Variants in VRK2 observed in about 807,000 individuals in gnomAD.
The protein encoded by VRK2 is serine/threonine-protein kinase VRK2.
In VRK2, 60 loss-of-function variants were observed where a neutral mutation model predicts 57.6. The observed-to-expected ratio is 1.04, with a 90% CI of 0.85 to 1.29. The LOEUF is 1.29. VRK2 is among the 50% of genes most tolerant of loss of function. VRK2 has a pLI of 0.00. For synonymous variants in VRK2, 231 were observed against 199.2 expected (o/e 1.16, Z -1.35); for missense variants, 705 against 588.1 (o/e 1.20, Z -2.06).
chr2:58,046,669 T>G, upstream of VRK2: 1 of 985,600 alleles, frequency 1.0e-6, no homozygotes, highest in Non-Finnish European at 1.2e-6. Context: ...AGGAACCGGC[T>G]GCGGCCTGTG....
intron 7 of VRK2, among the ~76,000 whole-genome samples, chr2:58,112,238 A>T (rs1343998648): frequency 6.6e-6 from 1 of 152,190 alleles, no homozygotes; most frequent in Admixed American, 6.5e-5. Context: ...CAGCTTTCTT[A>T]TATGTAAAAT....
chr2:57,918,889 TAAG>T (rs1208947835), intron 1 of VRK2, among the ~76,000 whole-genome samples: 1 of 152,134 alleles, frequency 6.6e-6, no homozygotes, highest in African/African-American at 2.4e-5. Context: ...ATGCTGATCT[TAAG>T]AACATTTCTA....
chr2:58,010,988 T>A (rs967907502), intron 1 of VRK2, among the ~76,000 whole-genome samples: 1 of 152,182 alleles, frequency 6.6e-6, no homozygotes, highest in African/African-American at 2.4e-5. Flanking sequence ...GTGTTCTGTT[T>A]TCAAAGGCAT....
chr2:58,158,218 T>C (rs848292), intron 12 of VRK2, among the ~76,000 whole-genome samples: 110,176 of 152,114 alleles, frequency 0.72, 41,034 homozygotes, highest in African/African-American at 0.92. Context: ...TTTATAGGCC[T>C]ACTGGAATAA....
chr2:58,132,492 G>A (rs1405762427), intron 9 of VRK2, among the ~76,000 whole-genome samples: 2 of 152,010 alleles, frequency 1.3e-5, no homozygotes, highest in African/African-American at 4.8e-5. Flanking sequence ...ACCTGGATTC[G>A]GCTAGCATAA....
intron 2 of VRK2, among the ~76,000 whole-genome samples, chr2:58,076,861 TTTTTAAA>T (rs1195684256): frequency 3.3e-5 from 5 of 151,994 alleles, no homozygotes; most frequent in African/African-American, 1.2e-4. Context: ...TAACTTTTAA[TTTTTAAA>T]TTTTAAAGAG....
chr2:58,085,640 C>T (rs1558615849), intron 4 of VRK2, among the ~76,000 whole-genome samples: 6 of 151,882 alleles, frequency 4.0e-5, no homozygotes, highest in Admixed American at 3.9e-4. Flanking sequence ...ATGGGTCTGA[C>T]CTCAATATTT....
At chr2:58,101,240 A>AT (rs1252874393) in intron 7 of VRK2, among the ~76,000 whole-genome samples, 2 of 151,806 alleles carry the variant, frequency 1.3e-5, no homozygotes, top group East Asian at 1.9e-4. Context: ...GAACAATGTG[A>AT]TTTTTTCAGT....
intron 12 of VRK2, among the ~76,000 whole-genome samples, chr2:58,153,051 T>C (rs1234692311): frequency 6.6e-6 from 1 of 151,978 alleles, no homozygotes; most frequent in Non-Finnish European, 1.5e-5. Flanking sequence ...GCTCATGCTA[T>C]AGTGACACTC....
intron 3 of VRK2, among the ~76,000 whole-genome samples, chr2:58,041,350 C>G (rs907865675): frequency 3.9e-5 from 6 of 152,022 alleles, no homozygotes; most frequent in Non-Finnish European, 5.9e-5. Context: ...ACTGAATGGA[C>G]CCCTCTTTTC....
intron 5 of VRK2, among the ~76,000 whole-genome samples, chr2:58,087,244 T>A (rs191893408): frequency 1.3e-5 from 2 of 152,190 alleles, no homozygotes; most frequent in African/African-American, 4.8e-5. Context: ...TAAGCTCAGA[T>A]GTCAGTACTT....
rs570396228 is a variant in VRK2, at chr2:58,083,438, A to G, written c.137-651A>G. Among the ~76,000 whole-genome samples, 170 of 151,990 alleles carry G rather than the reference A, an allele frequency of 1.1e-3. 1 individual carries two copies. Among genetic ancestry groups the G allele is most frequent in the African/African-American group, 3.9e-3 (163 of 41,546 alleles). On this transcript the variant is annotated intron_variant, in intron 2 of 12. Coordinates refer to ENST00000340157, the MANE Select transcript of VRK2 (RefSeq NM_006296.7). ...GAGTTTTTAAAAGTAGGGTTATACC[A>G]TCTGAACAACAAATGGAAAATAAGA... is the stretch of plus-strand genomic sequence containing the variant.
At chr2:58,078,435 TTGTC>T (rs1470480819) in intron 2 of VRK2, among the ~76,000 whole-genome samples, 1 of 152,106 alleles carries the variant, frequency 6.6e-6, no homozygotes, top group Non-Finnish European at 1.5e-5. Context: ...TTTTGGCTAA[TTGTC>T]TGTAATGCTG....
At chr2:58,146,189 T>G (rs1277414030) in intron 11 of VRK2, 127 bp from the exon 12 acceptor site, 18 of 817,332 alleles carry the variant, frequency 2.2e-5, no homozygotes, top group African/African-American at 3.5e-5. Flanking sequence ...CACTTGCTGC[T>G]TTCCTCTTTA....
At chr2:58,136,878 T>C (rs184939867) in intron 10 of VRK2, among the ~76,000 whole-genome samples, 1,384 of 102,442 alleles carry the variant, frequency 0.014, 45 homozygotes, top group African/African-American at 0.062. Flanking sequence ...TATCATATAT[T>C]ATATCATATA....
At position 58,146,246 on chromosome 2, in the gene VRK2, A is replaced by G. The variant is rs1423629724; in HGVS notation, c.1024-70A>G. On this transcript the variant is annotated intron_variant, in intron 11 of 12. Transcript: ENST00000340157. Reference sequence around the variant, plus strand: ...AAGTTTAGAGCTTTTAAGAATCTGGACATATATGCATTTTTTAGAGAAATA... The same window carrying G: ...AAGTTTAGAGCTTTTAAGAATCTGGGCATATATGCATTTTTTAGAGAAATA... 3.0e-6 allele frequency: 4 copies of G among 1,316,872 alleles called. No individual in the cohort carries two copies. In the East Asian group the frequency reaches 1.1e-4, roughly 35 times the overall value. The allele number at this position is 1,316,872 out of a possible 1,614,324, so 81.6% of individuals were successfully genotyped here.
At chr2:58,118,300 A>C (rs1383091164) in intron 7 of VRK2, among the ~76,000 whole-genome samples, 2 of 152,240 alleles carry the variant, frequency 1.3e-5, no homozygotes, top group Non-Finnish European at 2.9e-5. Context: ...CACCTTTGAA[A>C]CGTGGGTGAA....
intron 1 of VRK2, among the ~76,000 whole-genome samples, chr2:58,005,098 C>A (rs1673202954): frequency 6.6e-6 from 1 of 152,092 alleles, no homozygotes; most frequent in African/African-American, 2.4e-5. Flanking sequence ...TAATTATCAT[C>A]TAGAAAATAT....
At chr2:58,033,893 G>A (rs1330708740) in intron 3 of VRK2, among the ~76,000 whole-genome samples, 1 of 151,918 alleles carries the variant, frequency 6.6e-6, no homozygotes, top group South Asian at 2.1e-4. Flanking sequence ...AATGGGCATG[G>A]TTTCTGTTAA....
Sources: allele counts gnomAD v4.1 joint callset (sites outside exome capture counted in the v4.1 genomes callset), GRCh38; gene constraint gnomAD v4.1.1; transcripts MANE v1.5; gene names NCBI Gene and HGNC (gene_info 2026-07-23, HGNC 2026-07-21).